XKR5: variants seen among roughly 807,000 people sequenced by gnomAD.
XKR5 encodes the protein XK related 5.
XKR5 carries 46 observed loss-of-function variants against 40.8 expected under a neutral mutation model. The observed-to-expected ratio is 1.13, with a 90% CI of 0.89 to 1.44. XKR5 has a LOEUF of 1.44. Ranked by LOEUF, XKR5 falls within the 40% of genes most tolerant of loss-of-function variation. XKR5 has a pLI of 0.00. For synonymous variants in XKR5, 466 were observed against 356.1 expected (o/e 1.31, Z -3.48); for missense variants, 1,169 against 844.7 (o/e 1.38, Z -4.76).
Position 6,825,341 on chromosome 8 carries a change from T to G in XKR5, c.251A>C (p.Asp84Ala). Residue 84 changes from aspartate (D) to alanine (A), a missense_variant, in exon 3 of 7, where the codon GAC becomes GCC. Coordinates refer to ENST00000618742, the MANE Select transcript of XKR5 (RefSeq NM_207411.5). ...CTTCTGCAGACTGGTCAGTGCAGCG[T>G]CCCAGTGCCTAGGGAACAGCAGAGG... ...LQLGVWKRHW[D>A]AALTSLQKEL... 2 of 1,563,218 alleles carry G rather than the reference T, an allele frequency of 1.3e-6. No homozygotes were observed. The highest frequency in any genetic ancestry group is 1.7e-6 in the Non-Finnish European group (2 of 1,159,634).
chr8:6,829,826 C>CTTTTT (rs140715953), intron 2 of XKR5, among the ~76,000 whole-genome samples: 5 of 63,564 alleles, frequency 7.9e-5, no homozygotes, highest in African/African-American at 2.8e-4. Flanking sequence ...CAAATTCTTG[C>CTTTTT]TTTTTTTTTT....
chr8:6,819,077 C>A (rs563382684), intron 5 of XKR5, among the ~76,000 whole-genome samples: 6 of 152,294 alleles, frequency 3.9e-5, no homozygotes, highest in African/African-American at 1.4e-4. Flanking sequence ...CCTTATGTTC[C>A]TTCTTGAAGG....
chr8:6,824,226 T>C (rs1418348008), intron 3 of XKR5, among the ~76,000 whole-genome samples: 1 of 151,454 alleles, frequency 6.6e-6, no homozygotes, highest in Non-Finnish European at 1.5e-5. Context: ...CAGGCATATA[T>C]GTGAAGCATT....
intron 6 of XKR5, among the ~76,000 whole-genome samples, chr8:6,815,375 G>C (rs1803909128): frequency 6.6e-6 from 1 of 152,120 alleles, no homozygotes; most frequent in African/African-American, 2.4e-5. Context: ...ATCTTTCGGG[G>C]ACTCAACCTC....
intron 1 of XKR5, 74 bp from the exon 2 acceptor site, chr8:6,832,974 C>T (rs2117124254): frequency 7.6e-7 from 1 of 1,311,622 alleles, no homozygotes; most frequent in Non-Finnish European, 1.0e-6. Flanking sequence ...TTTTAAACAA[C>T]TGAACATTTT....
At position 6,834,238 on chromosome 8, in the gene XKR5, T is replaced by C. The variant is rs1587211830; in HGVS notation, c.58+1198A>G. ...TACTTAGGTTTTCCAATAGTAAAGT[T>C]CTAAGTGGATGAATGAACACAAGCC... is the stretch of plus-strand genomic sequence containing the variant. On this transcript the variant is annotated intron_variant, in intron 1 of 6. Transcript: ENST00000618742. Among the ~76,000 whole-genome samples the C allele has an allele frequency of 2.6e-5, 4 of 152,294 alleles. No individual in the cohort carries two copies. The South Asian group carries it at 8.3e-4, about 32-fold the overall frequency.
chr8:6,835,387 G>T (rs2978895), intron 1 of XKR5, 49 bp downstream of exon 1: 13 of 1,366,022 alleles, frequency 9.5e-6, no homozygotes, highest in Middle Eastern at 2.7e-4. Context: ...GCGCCGGGGT[G>T]GGGTTAGGGG....
intron 4 of XKR5, among the ~76,000 whole-genome samples, chr8:6,822,907 A>G (rs1804303941): frequency 6.6e-6 from 1 of 152,242 alleles, no homozygotes; most frequent in East Asian, 1.9e-4. Flanking sequence ...TTTGGAAGCT[A>G]TGTGCAGTAT....
intron 4 of XKR5, among the ~76,000 whole-genome samples, chr8:6,823,110 C>T (rs1804311807): frequency 6.6e-6 from 1 of 152,128 alleles, no homozygotes; most frequent in Non-Finnish European, 1.5e-5. Context: ...AGAGTATCTC[C>T]CAAGACAGCC....
At chr8:6,812,772 A>G (rs1563346731) in intron 6 of XKR5, among the ~76,000 whole-genome samples, 1 of 152,222 alleles carries the variant, frequency 6.6e-6, no homozygotes, top group Non-Finnish European at 1.5e-5. Context: ...TGGGTTACAA[A>G]GCTGGGGGAA....
rs1804422395 is a variant in XKR5, at chr8:6,825,451, A to G, written c.243-102T>C. The G allele has an allele frequency of 5.8e-6, 7 of 1,196,890 alleles. No homozygotes were observed. In the East Asian group the frequency reaches 8.5e-5, roughly 15 times the overall value. The allele number at this position is 1,196,890 out of a possible 1,614,324, so 74.1% of individuals were successfully genotyped here. A position where few individuals can be genotyped will look rare whatever the true frequency, so the allele number is the denominator to read the frequency against. On this transcript the variant is annotated intron_variant, in intron 2 of 6. Transcript: ENST00000618742. ...CATACTACATGCTAAGCAATATCCTATGCCCTTACTAGTCACCTAGAGTTA... is the reference window on the plus strand; with the variant it reads ...CATACTACATGCTAAGCAATATCCTGTGCCCTTACTAGTCACCTAGAGTTA...
intron 2 of XKR5, among the ~76,000 whole-genome samples, chr8:6,829,936 C>T (rs542966370): frequency 8.8e-5 from 12 of 136,796 alleles, no homozygotes; most frequent in African/African-American, 3.3e-4. Context: ...CTAACGGGTT[C>T]ATGCCATTCT....
intron 2 of XKR5, among the ~76,000 whole-genome samples, chr8:6,828,325 G>A (rs888701011): frequency 6.6e-6 from 1 of 152,158 alleles, no homozygotes; most frequent in Non-Finnish European, 1.5e-5. Context: ...AGTGTCTGGG[G>A]TCAGTGGCAC....
At chr8:6,818,404 G>T (rs1804065424) in intron 5 of XKR5, among the ~76,000 whole-genome samples, 1 of 152,210 alleles carries the variant, frequency 6.6e-6, no homozygotes, top group Non-Finnish European at 1.5e-5. Flanking sequence ...TGGCTGCATG[G>T]ATTTGCTTAT....
rs201165193 is a variant in XKR5, at chr8:6,815,864, C to T, written c.862G>A (p.Gly288Arg). 35 of 1,605,830 alleles carry T rather than the reference C, an allele frequency of 2.2e-5. No homozygotes were observed. The African/African-American group carries it at 3.1e-4, about 14-fold the overall frequency. Residue 288 changes from glycine (G) to arginine (R), a missense_variant, in exon 6 of 7, where the codon GGG (glycine) becomes AGG (arginine). Coordinates refer to ENST00000618742, the MANE Select transcript of XKR5 (RefSeq NM_207411.5). ...LLLLATDFLQ[G>R]ASWTSLQTIA... ...GTCTGCAGGCTGGTCCACGATGCCC[C>T]CTGGAGAAAGTCGGTGGCCAACAGC...
At position 6,821,916 on chromosome 8, in the gene XKR5, T is replaced by C. The variant is rs746624616; in HGVS notation, c.760A>G (p.Ser254Gly). ...VGAVYILCYL[S>G]FWDSPSRNRM... ...TTTCTAGAAGGGCTGTCCCAGAAGC[T>C]GAGGTAGCAGAGGATGTACACGGCC... The change falls in exon 5 of 7, where the codon AGC (serine) becomes GGC (glycine). Residue 254 changes from serine to glycine, a missense_variant. Ser to Gly is a moderately conservative substitution (Grantham distance 56). Transcript: ENST00000618742. 23 of 1,613,268 alleles carry C rather than the reference T, an allele frequency of 1.4e-5. No homozygotes were observed. The South Asian group carries it at 2.3e-4, about 16-fold the overall frequency.
At chr8:6,835,314 C>T (rs1046104538) in intron 1 of XKR5, 122 bp downstream of exon 1, 4 of 1,035,308 alleles carry the variant, frequency 3.9e-6, no homozygotes, top group Non-Finnish European at 5.1e-6. Flanking sequence ...GTCACCGGCG[C>T]GCAGTGCTGG....
intron 5 of XKR5, among the ~76,000 whole-genome samples, chr8:6,817,602 G>A (rs12546299): frequency 0.34 from 51,100 of 151,992 alleles, 9,402 homozygotes; most frequent in East Asian, 0.7. Flanking sequence ...GTTCCTGCCT[G>A]AGAAAGCGCA....
intron 5 of XKR5, among the ~76,000 whole-genome samples, chr8:6,820,244 C>T (rs888552493): frequency 2.0e-5 from 3 of 152,206 alleles, no homozygotes; most frequent in Admixed American, 6.5e-5. Flanking sequence ...CTGTGCACAG[C>T]GAGAGAGATA....
Sources: allele counts gnomAD v4.1 joint callset (sites outside exome capture counted in the v4.1 genomes callset), GRCh38; gene constraint gnomAD v4.1.1; transcripts MANE v1.5; gene names NCBI Gene and HGNC (gene_info 2026-07-23, HGNC 2026-07-21).